The following CLNK variants were observed in gnomAD, a reference collection of about 807,000 sequenced individuals.
The protein encoded by CLNK is cytokine-dependent hematopoietic cell linker.
A neutral mutation model predicts 68.6 loss-of-function variants in CLNK; 74 were observed. The observed-to-expected ratio is 1.08, with a 90% confidence interval of 0.89 to 1.31. The LOEUF (loss-of-function observed/expected upper bound fraction) is 1.31. Ranked by LOEUF, CLNK falls within the 50% of genes most tolerant of loss-of-function variation. CLNK has a pLI of 0.00. For synonymous variants in CLNK, 198 were observed against 172.2 expected (o/e 1.15, Z -1.17); for missense variants, 553 against 515.3 (o/e 1.07, Z -0.71).
At chr4:10,510,230 G>A (rs186987670) in intron 16 of CLNK, among the ~76,000 whole-genome samples, 6 of 152,296 alleles carry the variant, frequency 3.9e-5, no homozygotes, top group African/African-American at 1.2e-4. Context: ...TCACTTGCGG[G>A]GGGAGGGGGG....
At chr4:10,668,223 C>T (rs912154177) in intron 1 of CLNK, among the ~76,000 whole-genome samples, 18 of 152,286 alleles carry the variant, frequency 1.2e-4, no homozygotes, top group Non-Finnish European at 2.2e-4. Context: ...ACCGAGGGCA[C>T]GTTAGCCAGG....
At chr4:10,724,318 G>A in the CLNK span, among the ~76,000 whole-genome samples, 25 of 152,112 alleles carry the variant, frequency 1.6e-4, no homozygotes, top group East Asian at 1.9e-3. Flanking sequence ...CACATGTCCC[G>A]CTCTTGAAGA....
intron 8 of CLNK, among the ~76,000 whole-genome samples, chr4:10,553,421 C>A (rs1719537927): frequency 6.6e-6 from 1 of 151,960 alleles, no homozygotes; most frequent in African/African-American, 2.4e-5. Context: ...AAGGTTACTG[C>A]ATCCAGAGTT....
chr4:10,552,604 T>G (rs1001990690), intron 8 of CLNK, among the ~76,000 whole-genome samples: 2 of 151,922 alleles, frequency 1.3e-5, no homozygotes, highest in African/African-American at 4.8e-5. Flanking sequence ...GAAGACAGCT[T>G]CAAACCCCTA....
intron 18 of CLNK, among the ~76,000 whole-genome samples, chr4:10,495,588 C>T (rs1716770097): frequency 6.6e-6 from 1 of 152,112 alleles, no homozygotes; most frequent in African/African-American, 2.4e-5. Flanking sequence ...ATGTCCTAAT[C>T]CCAGAATCTG....
At chr4:10,539,275 T>A (rs1324098642) in intron 11 of CLNK, among the ~76,000 whole-genome samples, 8 of 152,192 alleles carry the variant, frequency 5.3e-5, no homozygotes, top group Admixed American at 5.2e-4. Context: ...AAACTTATGC[T>A]TGTGTGGGGC....
intron 1 of CLNK, among the ~76,000 whole-genome samples, chr4:10,669,333 T>A (rs971104842): frequency 6.6e-6 from 1 of 152,206 alleles, no homozygotes. Context: ...AAACAAAACA[T>A]AACAAATCCT....
At chr4:10,734,367 T>C in the CLNK span, among the ~76,000 whole-genome samples, 1 of 152,232 alleles carries the variant, frequency 6.6e-6, no homozygotes, top group South Asian at 2.1e-4. Context: ...ACTAGTTACA[T>C]TGTACTGTCA....
At chr4:10,566,762 T>C (rs1720131495) in intron 5 of CLNK, among the ~76,000 whole-genome samples, 1 of 152,070 alleles carries the variant, frequency 6.6e-6, no homozygotes, top group Admixed American at 6.6e-5. Context: ...GGTAGGAGGA[T>C]TGCTGGAGGC....
intron 7 of CLNK, among the ~76,000 whole-genome samples, chr4:10,559,737 G>T (rs999239756): frequency 2.0e-5 from 3 of 152,132 alleles, no homozygotes; most frequent in Non-Finnish European, 4.4e-5. Context: ...CTCCCCTGGG[G>T]CAATTCCCAA....
chr4:10,646,169 C>A (rs1723502773), intron 2 of CLNK, among the ~76,000 whole-genome samples: 1 of 152,078 alleles, frequency 6.6e-6, no homozygotes, highest in Non-Finnish European at 1.5e-5. Context: ...CTTGATTTGA[C>A]CATTATGCCT....
At chr4:10,549,876 C>T (rs10938845) in intron 8 of CLNK, among the ~76,000 whole-genome samples, 59,841 of 152,094 alleles carry the variant, frequency 0.39, 13,731 homozygotes, top group Non-Finnish European at 0.53. Flanking sequence ...GCACCATTTG[C>T]CCAGAGACTC....
At chr4:10,573,826 T>G (rs1720445285) in intron 4 of CLNK, among the ~76,000 whole-genome samples, 1 of 152,160 alleles carries the variant, frequency 6.6e-6, no homozygotes, top group Non-Finnish European at 1.5e-5. Flanking sequence ...ATGCCCCTTC[T>G]GTGTCTGTGG....
intron 2 of CLNK, among the ~76,000 whole-genome samples, chr4:10,616,878 C>T (rs1331211770): frequency 6.7e-6 from 1 of 150,000 alleles, no homozygotes; most frequent in Non-Finnish European, 1.5e-5. Flanking sequence ...TTTGCCAGAA[C>T]ACCACTGGCT....
intron 2 of CLNK, among the ~76,000 whole-genome samples, chr4:10,600,139 GC>G (rs1721537118): frequency 6.6e-6 from 1 of 152,104 alleles, no homozygotes; most frequent in Non-Finnish European, 1.5e-5. Flanking sequence ...TGGCCTCTGG[GC>G]CCGACCTTTT....
At chr4:10,653,965 A>G (rs555264420) in intron 2 of CLNK, among the ~76,000 whole-genome samples, 6 of 152,228 alleles carry the variant, frequency 3.9e-5, no homozygotes, top group Non-Finnish European at 8.8e-5. Flanking sequence ...ATGATATTGA[A>G]CCAATAGCTG....
At chr4:10,584,623 A>C (rs753908913) in intron 4 of CLNK, among the ~76,000 whole-genome samples, 2 of 152,198 alleles carry the variant, frequency 1.3e-5, no homozygotes, top group African/African-American at 2.4e-5. Context: ...ACTGGCACTG[A>C]GGTAGACTTA....
At chr4:10,656,331 CAAAAA>C (rs33941894) in intron 2 of CLNK, among the ~76,000 whole-genome samples, 5 of 89,446 alleles carry the variant, frequency 5.6e-5, no homozygotes, top group African/African-American at 9.5e-5. Context: ...AATGCCTGAC[CAAAAA>C]AAAAAAAAAA....
intron 1 of CLNK, among the ~76,000 whole-genome samples, chr4:10,683,845 C>T (rs1725175496): frequency 6.6e-6 from 1 of 152,106 alleles, no homozygotes; most frequent in Non-Finnish European, 1.5e-5. Context: ...AGGAGCTGCG[C>T]CACAGTATAG....
Sources: gnomAD v4.1 joint callset for allele counts (sites outside exome capture counted in the v4.1 genomes callset) on GRCh38, gnomAD v4.1.1 for gene constraint, MANE v1.5 for transcripts, NCBI Gene and HGNC (gene_info 2026-07-23, HGNC 2026-07-21) for gene names.